The following HEMK2 variants were observed in gnomAD, a reference collection of about 807,000 sequenced individuals.
The protein encoded by HEMK2 is HemK methyltransferase 2, ETF1 glutamine and histone H4 lysine.
At chr21:28,733,666 A>T in the HEMK2 span, among the ~76,000 whole-genome samples, 1 of 150,510 alleles carries the variant, frequency 6.6e-6, no homozygotes, top group African/African-American at 2.4e-5. Flanking sequence ...TTTTTCACAC[A>T]CAGGAGTTTT....
the HEMK2 span, among the ~76,000 whole-genome samples, chr21:28,866,173 A>ACAC: frequency 3.3e-5 from 4 of 122,972 alleles, no homozygotes; most frequent in East Asian, 2.8e-4. Context: ...AACAAAAAAA[A>ACAC]AAACACACAC....
the HEMK2 span, among the ~76,000 whole-genome samples, chr21:28,725,014 C>T: frequency 2.6e-5 from 4 of 152,236 alleles, no homozygotes; most frequent in East Asian, 5.8e-4. Context: ...AAACTCTTGG[C>T]CTCAAGCAAT....
the HEMK2 span, among the ~76,000 whole-genome samples, chr21:28,817,692 G>C: frequency 6.6e-6 from 1 of 152,178 alleles, no homozygotes; most frequent in African/African-American, 2.4e-5. Flanking sequence ...ATGTCTGATG[G>C]AGTGAAGAAA....
At chr21:28,657,796 A>G in the HEMK2 span, among the ~76,000 whole-genome samples, 5 of 152,130 alleles carry the variant, frequency 3.3e-5, no homozygotes, top group African/African-American at 1.2e-4. Flanking sequence ...CACAACAATG[A>G]TCTTTTCTAA....
At chr21:28,595,645 C>T in the HEMK2 span, among the ~76,000 whole-genome samples, 1 of 152,242 alleles carries the variant, frequency 6.6e-6, no homozygotes, top group South Asian at 2.1e-4. Context: ...TATGGGAGTG[C>T]ACATATCTCT....
the HEMK2 span, among the ~76,000 whole-genome samples, chr21:28,744,385 T>C: frequency 6.6e-6 from 1 of 152,204 alleles, no homozygotes; most frequent in Non-Finnish European, 1.5e-5. Context: ...TTGAGTAAAA[T>C]AGAAAAGCAT....
At chr21:28,863,410 TTATATATATATATATA>T in the HEMK2 span, among the ~76,000 whole-genome samples, 1,493 of 38,726 alleles carry the variant, frequency 0.039, 70 homozygotes, top group Non-Finnish European at 0.059. Context: ...AAACTCCCTT[TTATATATATATATATA>T]TATATATATA....
the HEMK2 span, among the ~76,000 whole-genome samples, chr21:28,817,378 T>C: frequency 6.6e-6 from 1 of 152,142 alleles, no homozygotes. Context: ...TACAATAAAT[T>C]GTAGAAAACA....
At chr21:28,772,836 A>G in the HEMK2 span, among the ~76,000 whole-genome samples, 1 of 151,898 alleles carries the variant, frequency 6.6e-6, no homozygotes, top group South Asian at 2.1e-4. Context: ...GCTCTACATT[A>G]TATTTGTCTC....
At chr21:28,747,419 T>A in the HEMK2 span, among the ~76,000 whole-genome samples, 1 of 152,330 alleles carries the variant, frequency 6.6e-6, no homozygotes, top group Non-Finnish European at 1.5e-5. Context: ...TGACACAGAA[T>A]GACTTTAAAA....
the HEMK2 span, among the ~76,000 whole-genome samples, chr21:28,647,646 G>T: frequency 6.6e-6 from 1 of 152,076 alleles, no homozygotes; most frequent in African/African-American, 2.4e-5. Flanking sequence ...CTGGAACCAC[G>T]CATTGCCTGT....
At chr21:28,764,553 C>T in the HEMK2 span, among the ~76,000 whole-genome samples, 1 of 152,108 alleles carries the variant, frequency 6.6e-6, no homozygotes, top group Non-Finnish European at 1.5e-5. Flanking sequence ...AGAGCACAAA[C>T]GTCCTATAAA....
At chr21:28,601,634 CTCTCTCTCTCTT>C in the HEMK2 span, among the ~76,000 whole-genome samples, 2 of 150,890 alleles carry the variant, frequency 1.3e-5, no homozygotes, top group African/African-American at 4.9e-5. Context: ...CTCTCTCTCT[CTCTCTCTCTCTT>C]TCTGTAATTT....
chr21:28,837,275 A>C, the HEMK2 span, among the ~76,000 whole-genome samples: 1 of 152,248 alleles, frequency 6.6e-6, no homozygotes, highest in Non-Finnish European at 1.5e-5. Context: ...ACTTTCTCCA[A>C]GACAGACCAT....
chr21:28,826,838 G>A, the HEMK2 span, among the ~76,000 whole-genome samples: 6 of 152,208 alleles, frequency 3.9e-5, no homozygotes, highest in East Asian at 7.7e-4. Context: ...GTCCCAATGT[G>A]CTGAGTCTTC....
chr21:28,873,144 C>G, the HEMK2 span: 5 of 152,216 alleles, frequency 3.3e-5, no homozygotes, highest in African/African-American at 9.7e-5. Context: ...CAGAAACACT[C>G]TAACCCGTTT....
the HEMK2 span, among the ~76,000 whole-genome samples, chr21:28,827,317 T>C: frequency 1.3e-5 from 2 of 152,238 alleles, no homozygotes; most frequent in Non-Finnish European, 2.9e-5. Flanking sequence ...TCAGTGCAAC[T>C]AACTGTCTTT....
chr21:28,578,078 T>C, the HEMK2 span, among the ~76,000 whole-genome samples: 4 of 152,354 alleles, frequency 2.6e-5, no homozygotes, highest in East Asian at 3.9e-4. Context: ...TCAGCTGTCA[T>C]TGCTATATCC....
chr21:28,668,881 T>G, the HEMK2 span, among the ~76,000 whole-genome samples: 2 of 152,196 alleles, frequency 1.3e-5, no homozygotes, highest in African/African-American at 4.8e-5. Flanking sequence ...GGACCTAGGA[T>G]CTGTATTGTT....
Sources: gnomAD v4.1 joint callset for allele counts (sites outside exome capture counted in the v4.1 genomes callset) on GRCh38, gnomAD v4.1.1 for gene constraint, MANE v1.5 for transcripts, NCBI Gene and HGNC (gene_info 2026-07-23, HGNC 2026-07-21) for gene names.